Variants in MYH11 observed in about 807,000 individuals in gnomAD.
MYH11 encodes myosin heavy chain 11.
In MYH11, 80 loss-of-function variants were observed where a neutral mutation model predicts 246.6. That is an observed-to-expected ratio of 0.32 (90% CI 0.27 to 0.39). MYH11 has a LOEUF of 0.39. Ranked by LOEUF, MYH11 falls within the 10% of genes least tolerant of loss-of-function variation. MYH11 has a pLI of 1.00. For synonymous variants in MYH11, 1,071 were observed against 1,015.5 expected (o/e 1.05, Z -1.04); for missense variants, 2,158 against 2,546.8 (o/e 0.85, Z 3.29).
At chr16:15,707,120 C>T (rs1439876523) in intron 40 of MYH11, among the ~76,000 whole-genome samples, 2 of 152,070 alleles carry the variant, frequency 1.3e-5, no homozygotes, top group Admixed American at 1.3e-4. Flanking sequence ...CTCACTGCAG[C>T]CTCTGCCTCC....
At position 15,779,028 on chromosome 16, in the gene MYH11, C is replaced by T. The variant is rs1351560444; in HGVS notation, c.727-185G>A. On this transcript the variant is annotated intron_variant, in intron 6 of 40. Transcript: ENST00000300036. ...CCAACATCTGCTGAGCTGAAACCAC[C>T]CCAGGCCTGACAGCAACAGAACGTG... The T allele has an allele frequency of 7.3e-6, 5 of 686,076 alleles. No homozygotes were observed. In the Admixed American group the frequency reaches 8.1e-5, roughly 11 times the overall value. The allele number at this position is 686,076 out of a possible 1,614,324, so 42.5% of individuals were successfully genotyped here.
At chr16:15,779,633 C>A (rs2042301175) in intron 6 of MYH11, among the ~76,000 whole-genome samples, 1 of 152,198 alleles carries the variant, frequency 6.6e-6, no homozygotes, top group Non-Finnish European at 1.5e-5. Flanking sequence ...TGGATTAAAC[C>A]TTTTCTGTGG....
chr16:15,791,487 G>A (rs2042607804), intron 4 of MYH11: 1 of 152,098 alleles, frequency 6.6e-6, no homozygotes, highest in Admixed American at 6.6e-5. Context: ...CAGAAGCAAC[G>A]CCTCTCTCCC....
intron 40 of MYH11, chr16:15,708,815 T>G: frequency 6.2e-7 from 1 of 1,608,986 alleles, no homozygotes; most frequent in South Asian, 1.1e-5. Flanking sequence ...GGTGCATCAC[T>G]GCGAAGTTTC....
At chr16:15,742,006 T>G (rs2041289126) in intron 20 of MYH11, 115 bp from the exon 21 acceptor site, 2 of 1,411,110 alleles carry the variant, frequency 1.4e-6, no homozygotes, top group Non-Finnish European at 1.9e-6. Flanking sequence ...CGATCCCCAC[T>G]AGGGGATATT....
chr16:15,788,095 T>TTTTTTA lies in MYH11; in HGVS notation c.531-1364_531-1363insTAAAAA, dbSNP rs11273419. ...GGTAGATCTTTTTTTTTTTTTTTTT[T>TTTTTTA]ACCAAGATGGCTTTCGTGCACTAGC... On this transcript the variant is annotated intron_variant, in intron 4 of 40. Transcript: ENST00000300036. Among the ~76,000 whole-genome samples the TTTTTTA allele has an allele frequency of 5.7e-4, 57 of 99,516 alleles. 5 individuals carry two copies. The East Asian group carries it at 0.016, about 27-fold the overall frequency. The allele number at this position is 99,516 out of a possible 152,430, so 65.3% of individuals were successfully genotyped here.
In MYH11 at chr16:15,724,039, T is replaced by C. The variant is rs1302036832; in HGVS notation, c.4365+122A>G. The stretch of plus-strand genomic sequence containing the variant: ...CAAGACAAGATAAGACAGCCTCCCA[T>C]GGCTCCCCACAGAGTGGAGAGGGGA... On this transcript the variant is annotated intron_variant, in intron 31 of 40. Transcript: ENST00000300036. 6 of 1,523,022 alleles carry C rather than the reference T, an allele frequency of 3.9e-6. No individual in the cohort carries two copies. The African/African-American group carries it at 8.2e-5, about 21-fold the overall frequency. 94.3% of individuals were successfully genotyped at this position (1,523,022 alleles called of 1,614,324 possible).
Position 15,703,849 on chromosome 16 carries a change from T to C in MYH11, c.*142A>G. 2 of 1,177,752 alleles carry C rather than the reference T, an allele frequency of 1.7e-6. No homozygotes were observed. The highest frequency in any genetic ancestry group is 1.5e-5 in the African/African-American group (1 of 66,144). The allele number at this position is 1,177,752 out of a possible 1,614,324, so 73.0% of individuals were successfully genotyped here. A position where few individuals can be genotyped will look rare whatever the true frequency, so the allele number is the denominator to read the frequency against. ...CCTTGTGTGAGGGGTGTCTGTGATATTTGGAATTTGAGAATGGATTTAGAC... is the reference window on the plus strand; with the variant it reads ...CCTTGTGTGAGGGGTGTCTGTGATACTTGGAATTTGAGAATGGATTTAGAC... On this transcript the variant is annotated 3_prime_UTR_variant, in exon 41 of 41. Coordinates refer to ENST00000300036, the MANE Select transcript of MYH11 (RefSeq NM_002474.3).
At chr16:15,826,934 T>G (rs956018012) in intron 2 of MYH11, among the ~76,000 whole-genome samples, 2 of 136,376 alleles carry the variant, frequency 1.5e-5, no homozygotes, top group Admixed American at 7.7e-5. Flanking sequence ...TGGAGGGAGG[T>G]TGTAGTGAGC....
chr16:15,793,552 C>T (rs954153805), intron 4 of MYH11, among the ~76,000 whole-genome samples: 8 of 151,984 alleles, frequency 5.3e-5, no homozygotes, highest in Admixed American at 3.9e-4. Context: ...CTCGGCCTCT[C>T]AAGGCCCTGA....
intron 10 of MYH11, 55 bp downstream of exon 10, chr16:15,763,741 T>TCCGGCCCC: frequency 1.5e-6 from 1 of 646,852 alleles, no homozygotes; most frequent in Non-Finnish European, 2.9e-6. Context: ...AAATGTCACC[T>TCCGGCCCC]CCCCCACCCC....
At position 15,829,873 on chromosome 16, in the gene MYH11, A is replaced by G. The variant is rs149865505; in HGVS notation, c.346-6462T>C. On this transcript the variant is annotated intron_variant, in intron 2 of 40. Transcript: ENST00000300036. ...GGGATGGCCGGGCGCAGTGGCTCACACCTGTAATCCCGGCACTTTGGGAGG... is the reference window on the plus strand; with the variant it reads ...GGGATGGCCGGGCGCAGTGGCTCACGCCTGTAATCCCGGCACTTTGGGAGG... 2.9e-3 allele frequency among the ~76,000 whole-genome samples: 444 copies of G among 152,204 alleles called. 5 individuals carry two copies. Among genetic ancestry groups the G allele is most frequent in the South Asian group, 1.0e-2 (48 of 4,824 alleles).
At chr16:15,783,221 C>G (rs1482768721) in intron 5 of MYH11, 1 of 152,346 alleles carries the variant, frequency 6.6e-6, no homozygotes, top group Non-Finnish European at 1.5e-5. Flanking sequence ...AGCAAACGAG[C>G]TGCTCTTGGC....
intron 10 of MYH11, among the ~76,000 whole-genome samples, chr16:15,762,104 A>G (rs1217826927): frequency 1.3e-5 from 2 of 152,178 alleles, no homozygotes; most frequent in Non-Finnish European, 2.9e-5. Flanking sequence ...CCTCCTGAGT[A>G]GCTGGGATTA....
chr16:15,759,118 A>T (rs1051283668), intron 12 of MYH11, among the ~76,000 whole-genome samples: 1 of 151,794 alleles, frequency 6.6e-6, no homozygotes, highest in African/African-American at 2.4e-5. Flanking sequence ...GTGACCATGT[A>T]GCCCAATTCA....
chr16:15,797,582 T>C (rs2042772739), intron 4 of MYH11, among the ~76,000 whole-genome samples: 1 of 148,384 alleles, frequency 6.7e-6, no homozygotes, highest in Non-Finnish European at 1.5e-5. Flanking sequence ...ATAATACATA[T>C]TATATATTAT....
intron 31 of MYH11, 151 bp downstream of exon 31, chr16:15,724,010 C>G (rs973945379): frequency 2.2e-5 from 29 of 1,341,748 alleles, no homozygotes; most frequent in Non-Finnish European, 2.8e-5. Context: ...GCTCCATGGT[C>G]GCCCAAGACA....
chr16:15,787,064 G>A (rs1417010267), intron 4 of MYH11, among the ~76,000 whole-genome samples: 1 of 152,136 alleles, frequency 6.6e-6, no homozygotes, highest in Non-Finnish European at 1.5e-5. Flanking sequence ...TTGAGCCCAG[G>A]AGTGTGAGAC....
intron 3 of MYH11, among the ~76,000 whole-genome samples, chr16:15,815,824 G>T (rs533986584): frequency 1.3e-5 from 2 of 152,002 alleles, no homozygotes; most frequent in East Asian, 3.9e-4. Context: ...TTCCCAGCCA[G>T]GAAGGTGAAT....
Sources: allele counts gnomAD v4.1 joint callset (sites outside exome capture counted in the v4.1 genomes callset), GRCh38; gene constraint gnomAD v4.1.1; transcripts MANE v1.5; gene names NCBI Gene and HGNC (gene_info 2026-07-23, HGNC 2026-07-21).